The following LAMC3 variants were observed in gnomAD, a reference collection of about 807,000 sequenced individuals.
LAMC3 encodes the protein laminin subunit gamma 3, also known as laminin subunit gamma-3.
LAMC3 carries 128 observed loss-of-function variants against 173.8 expected under a neutral mutation model. The observed-to-expected ratio is 0.74, with a 90% CI of 0.64 to 0.85. The LOEUF is 0.85. LAMC3 is among the 40% of genes least tolerant of loss of function. LAMC3 has a pLI of 0.00. For missense variants in LAMC3, 2,022 were observed against 2,156.0 expected (o/e 0.94, Z 1.23); for synonymous variants, 897 against 909.1 (o/e 0.99, Z 0.24).
Position 131,060,047 on chromosome 9 carries a change from GCT to G in LAMC3, c.2159-985_2159-984del, listed in dbSNP as rs758828690. 1.3e-3 allele frequency among the ~76,000 whole-genome samples: 196 copies of G among 152,280 alleles called. 5 individuals carry two copies. The highest frequency in any genetic ancestry group is 3.4e-3 in the Middle Eastern group (1 of 294). Reference sequence around the variant, plus strand: ...GGGTCTCCCTTCCCAAGCACCCCAGGCTCTGAGCAGATGCCAGGTGCAGTCGG... The same window carrying G: ...GGGTCTCCCTTCCCAAGCACCCCAGGCTGAGCAGATGCCAGGTGCAGTCGG... On this transcript the variant is annotated intron_variant, in intron 12 of 27. Coordinates refer to ENST00000361069, the MANE Select transcript of LAMC3 (RefSeq NM_006059.4).
rs573967801 is a variant in LAMC3 at position 131,064,385 on chromosome 9, C to T, written c.2348-2575C>T. Among the ~76,000 whole-genome samples the T allele has an allele frequency of 3.3e-5, 5 of 152,306 alleles. No homozygotes were observed. In the South Asian group the frequency reaches 6.2e-4, roughly 19 times the overall value. On this transcript the variant is annotated intron_variant, in intron 13 of 27. Transcript: ENST00000361069. The stretch of plus-strand genomic sequence containing the variant: ...GAAAATAGAAATAAATGTACATGGC[C>T]GGGCACAGTGGCTCACGCCTGTAAT...
At chr9:131,056,878 G>T (rs1250875593) in intron 11 of LAMC3, 51 bp from the exon 12 acceptor site, 1 of 1,446,150 alleles carries the variant, frequency 6.9e-7, no homozygotes, top group South Asian at 1.1e-5. Context: ...GGGGAAGCAT[G>T]TGCAGGGAGC....
chr9:131,066,143 C>T (rs1564383350), intron 13 of LAMC3, among the ~76,000 whole-genome samples: 3 of 151,606 alleles, frequency 2.0e-5, no homozygotes, highest in Non-Finnish European at 2.9e-5. Context: ...TGCAGTGAGC[C>T]GAAATTGCGC....
In LAMC3 at chr9:131,069,664, C is replaced by T. The variant is rs199535979; in HGVS notation, c.2891-8C>T. On this transcript the variant is annotated splice_region_variant and splice_polypyrimidine_tract_variant and intron_variant, in intron 16 of 27. Transcript: ENST00000361069. ...AAACCCAGCACGCACTGCCCCTGGC[C>T]CCTCTAGCCTGCAGGTGCTCCCCAC... 7,349 of 1,596,980 alleles carry T rather than the reference C, an allele frequency of 4.6e-3. 34 individuals carry two copies. Among genetic ancestry groups the T allele is most frequent in the Middle Eastern group, 5.7e-3 (26 of 4,592 alleles).
chr9:131,068,769 C>A (rs571416620), intron 15 of LAMC3, 139 bp from the exon 16 acceptor site: 2 of 814,540 alleles, frequency 2.5e-6, no homozygotes, highest in African/African-American at 1.7e-5. Flanking sequence ...GCTGGGGAAG[C>A]TGTGCCATGC....
At chr9:131,025,303 T>C (rs1440468582) in intron 1 of LAMC3, among the ~76,000 whole-genome samples, 1 of 152,066 alleles carries the variant, frequency 6.6e-6, no homozygotes, top group Non-Finnish European at 1.5e-5. Context: ...AGAGGAGGAA[T>C]TGGGAACCCC....
At position 131,026,837 on chromosome 9, in the gene LAMC3, A is replaced by G. The variant is rs1833727222; in HGVS notation, c.678+248A>G. Reference sequence around the variant, plus strand: ...CTATTCTGCCTCAGCCTGCCAAGTAACTGAGATTACAGGTGCCCGCCACGA... The same window carrying G: ...CTATTCTGCCTCAGCCTGCCAAGTAGCTGAGATTACAGGTGCCCGCCACGA... On this transcript the variant is annotated intron_variant, in intron 2 of 27. Transcript: ENST00000361069. This position sits in a 1 kb window ranked among gnomAD's most constrained non-coding sequence, Gnocchi z 4.8. Among the ~76,000 whole-genome samples the G allele has an allele frequency of 6.6e-6, 1 of 152,076 alleles. No individual in the cohort carries two copies. Among genetic ancestry groups the G allele is most frequent in the African/African-American group, 2.4e-5 (1 of 41,398 alleles).
rs754797409 is a variant in LAMC3 at position 131,038,976 on chromosome 9, CTG to C, written c.1092_1093del (p.Cys364Ter). ...GCCGTGACCACACAGCTGGGCCACA[CTG>C]TGAGCGCTGTCAGGAGAATTTCTAT... The part of the protein sequence containing the change: ...HCRDHTAGPH[C>X]ERCQENFYHW... On this transcript the variant is annotated frameshift_variant, in exon 5 of 28. Transcript: ENST00000361069. LOFTEE classifies it high-confidence loss of function. 20 of 1,613,580 alleles carry C rather than the reference CTG, an allele frequency of 1.2e-5. No homozygotes were observed. Among genetic ancestry groups the C allele is most frequent in the East Asian group, 4.5e-5 (2 of 44,882 alleles).
rs140769779 is a variant in LAMC3 at position 131,073,150 on chromosome 9, G to A, written c.3418-95G>A. The A allele has an allele frequency of 1.2e-4, 117 of 953,752 alleles. 1 individual carries two copies. In the East Asian group the frequency reaches 2.7e-3, roughly 22 times the overall value. 59.1% of individuals were successfully genotyped at this position (953,752 alleles called of 1,614,324 possible). A position where few individuals can be genotyped will look rare whatever the true frequency, so the allele number is the denominator to read the frequency against. ...GCTTTGTGCATTTATAAAACGACGG[G>A]TGCCATCCAGTTCTGCCTCACAATT... On this transcript the variant is annotated intron_variant, in intron 19 of 27. Coordinates refer to ENST00000361069, the MANE Select transcript of LAMC3 (RefSeq NM_006059.4).
chr9:131,042,158 TCA>T (rs1834068932), intron 7 of LAMC3, among the ~76,000 whole-genome samples: 1 of 152,010 alleles, frequency 6.6e-6, no homozygotes, highest in African/African-American at 2.4e-5. Flanking sequence ...TGGAGCACTA[TCA>T]CAGGCCTCCC....
At chr9:131,089,824 A>G (rs1260641758) in intron 27 of LAMC3, among the ~76,000 whole-genome samples, 1 of 152,256 alleles carries the variant, frequency 6.6e-6, no homozygotes, top group Non-Finnish European at 1.5e-5. Context: ...TTGTCTGGAC[A>G]CCAGGCCCAC....
intron 25 of LAMC3, among the ~76,000 whole-genome samples, chr9:131,086,395 GTTT>G (rs112612783): frequency 1.5e-5 from 2 of 131,694 alleles, no homozygotes; most frequent in Non-Finnish European, 1.6e-5. Flanking sequence ...TTTTGGTTTT[GTTT>G]TTTTTTTTTG....
Position 131,071,501 on chromosome 9 carries a change from C to T in LAMC3, c.3087C>T (p.Ala1029=), listed in dbSNP as rs753930511. 3 of 1,613,928 alleles carry T rather than the reference C, an allele frequency of 1.9e-6. No individual in the cohort carries two copies. Among genetic ancestry groups the T allele is most frequent in the Non-Finnish European group, 2.5e-6 (3 of 1,179,922 alleles). ...CTCTCCAGGCAGCCAAGCTGAAGGC[C>T]AGACTGACTTTGACGGAGGGGTGGC... ...LVKEEAAKLK[A]RLTLTEGWLQ... is the part of the protein sequence containing the mutation. Residue 1029 remains alanine (A), a synonymous_variant, in exon 18 of 28, where the codon GCC becomes GCT. Transcript: ENST00000361069.
intron 9 of LAMC3, among the ~76,000 whole-genome samples, chr9:131,051,101 G>C (rs994687475): frequency 3.9e-5 from 6 of 152,176 alleles, no homozygotes; most frequent in Non-Finnish European, 8.8e-5. Context: ...TCAGTGTTTC[G>C]GGAGCTGTCC....
intron 19 of LAMC3, 46 bp from the exon 20 acceptor site, chr9:131,073,199 T>TTGGCGATGGGCCATCAG (rs2133326929): frequency 7.0e-7 from 1 of 1,436,010 alleles, no homozygotes; most frequent in East Asian, 2.3e-5. Flanking sequence ...CCCTTACCCT[T>TTGGCGATGGGCCATCAG]TGGCGATGGG....
In LAMC3 at chr9:131,036,133, C is replaced by G. The variant is rs758519325; in HGVS notation, c.810-33C>G. The G allele has an allele frequency of 1.9e-6, 3 of 1,611,704 alleles. No homozygotes were observed. The African/African-American group carries it at 4.0e-5, about 22-fold the overall frequency. ...TCCTTGTCTGCCCTGCCGGCACCTG[C>G]GGGTCCCCTTCCTCCTCTGTGTCTT... is the stretch of plus-strand genomic sequence containing the variant. On this transcript the variant is annotated intron_variant, in intron 3 of 27. Transcript: ENST00000361069.
Position 131,052,940 on chromosome 9 carries a change from CGT to C in LAMC3, c.1915_1916del (p.Val639GlnfsTer14). 2 of 1,613,496 alleles carry C rather than the reference CGT, an allele frequency of 1.2e-6. No homozygotes were observed. Among genetic ancestry groups the C allele is most frequent in the Non-Finnish European group, 1.7e-6 (2 of 1,179,918 alleles). ...LANLTSLRLR[V>X]SPGPSPAGPV... The stretch of plus-strand genomic sequence containing the variant: ...CCAACCTGACCAGCCTCCGCCTCCG[CGT>C]CAGTCCCGGCCCCAGCCCTGCCGGT... On this transcript the variant is annotated frameshift_variant, in exon 11 of 28. Transcript: ENST00000361069. LOFTEE classifies it high-confidence loss of function.
Position 131,036,229 on chromosome 9 carries a change from G to C in LAMC3, c.873G>C (p.Arg291=). The C allele has an allele frequency of 1.9e-6, 3 of 1,613,154 alleles. No homozygotes were observed. Among genetic ancestry groups the C allele is most frequent in the Non-Finnish European group, 2.5e-6 (3 of 1,179,872 alleles). ...ACGTGGCAGGCCAGTTGGCCTGCCGGTGCCAGCACAACACCACCGGCACAG... is the reference window on the plus strand; with the variant it reads ...ACGTGGCAGGCCAGTTGGCCTGCCGCTGCCAGCACAACACCACCGGCACAG... ...GPDVAGQLAC[R]CQHNTTGTDC... is the part of the protein sequence containing the mutation. Residue 291 remains arginine (R), a synonymous_variant, in exon 4 of 28, where the codon CGG becomes CGC. Coordinates refer to ENST00000361069, the MANE Select transcript of LAMC3 (RefSeq NM_006059.4).
intron 11 of LAMC3, among the ~76,000 whole-genome samples, chr9:131,054,092 G>T (rs892929391): frequency 2.0e-5 from 3 of 152,178 alleles, no homozygotes; most frequent in Non-Finnish European, 4.4e-5. Flanking sequence ...TTACAAAGGG[G>T]TTTTTCTACC....
Sources: gnomAD v4.1 joint callset for allele counts (sites outside exome capture counted in the v4.1 genomes callset) on GRCh38, gnomAD v4.1.1 for gene constraint, Gnocchi (gnomAD v3.1) non-coding constraint, MANE v1.5 for transcripts, NCBI Gene and HGNC (gene_info 2026-07-23, HGNC 2026-07-21) for gene names.